Variants in CTNNA2 observed in about 807,000 individuals in gnomAD.
CTNNA2 encodes catenin alpha-2.
CTNNA2 carries 42 observed loss-of-function variants against 101.0 expected under a neutral mutation model. That is an observed-to-expected ratio of 0.42 (90% CI 0.32 to 0.54). The LOEUF is 0.54. CTNNA2 is among the 20% of genes least tolerant of loss of function. The pLI is 0.14. For synonymous variants in CTNNA2, 450 were observed against 456.4 expected, an observed-to-expected ratio of 0.99 and a Z score of 0.18; for missense variants, 871 against 1,223.1, an observed-to-expected ratio of 0.71 and a Z score of 4.29.
chr2:79,206,526 T>C (rs1400999915), intron 2 of CTNNA2, among the ~76,000 whole-genome samples: 1 of 152,178 alleles, frequency 6.6e-6, no homozygotes, highest in African/African-American at 2.4e-5. Flanking sequence ...TTCTAAACCT[T>C]CCTATTCTTC....
At position 79,298,158 on chromosome 2, in the gene CTNNA2, C is replaced by CTGTT. The variant is rs1251233880; in HGVS notation, c.-405-14549_-405-14546dup. Among the ~76,000 whole-genome samples, 5 of 152,268 alleles carry CTGTT rather than the reference C, an allele frequency of 3.3e-5. No homozygotes were observed. In the East Asian group the frequency reaches 7.7e-4, roughly 24 times the overall value. ...GGCTTCATAGGCATGGCATGGGCAT[C>CTGTT]TGTTTCTGGTAAGGATCTCAGGAAG... is the stretch of plus-strand genomic sequence containing the variant. On this transcript the variant is annotated intron_variant, in intron 2 of 21. Coordinates refer to the CTNNA2 transcript ENST00000466387.
chr2:79,277,091 CAA>C (rs910827830), intron 2 of CTNNA2, among the ~76,000 whole-genome samples: 3 of 152,020 alleles, frequency 2.0e-5, no homozygotes, highest in African/African-American at 4.8e-5. Context: ...GCTGTCTCAG[CAA>C]AAGATAAAGA....
At chr2:80,557,352 T>G (rs1693134215) in intron 12 of CTNNA2, among the ~76,000 whole-genome samples, 1 of 152,106 alleles carries the variant, frequency 6.6e-6, no homozygotes, top group South Asian at 2.1e-4. Flanking sequence ...AAAAAGGTAT[T>G]TTTTTCCCTA....
At chr2:80,431,553 A>AC (rs1681507316) in intron 9 of CTNNA2, among the ~76,000 whole-genome samples, 1 of 152,222 alleles carries the variant, frequency 6.6e-6, no homozygotes, top group South Asian at 2.1e-4. Context: ...GTTACAAGGA[A>AC]AACATGTCAT....
At chr2:80,554,410 ATG>A (rs1692845702) in intron 11 of CTNNA2, among the ~76,000 whole-genome samples, 1 of 152,192 alleles carries the variant, frequency 6.6e-6, no homozygotes, top group Non-Finnish European at 1.5e-5. Context: ...ACATATTTTT[ATG>A]TGTTCATGTC....
intron 1 of CTNNA2, among the ~76,000 whole-genome samples, chr2:79,540,676 A>T (rs867075471): frequency 9.9e-5 from 15 of 152,254 alleles, no homozygotes; most frequent in Admixed American, 4.6e-4. Flanking sequence ...ATTTATAATG[A>T]GCACATGAAA....
At chr2:79,572,941 G>T (rs953948598) in intron 1 of CTNNA2, among the ~76,000 whole-genome samples, 1 of 152,066 alleles carries the variant, frequency 6.6e-6, no homozygotes, top group African/African-American at 2.4e-5. Flanking sequence ...GTTTTTAGTT[G>T]CTGCCACGGC....
chr2:79,776,812 A>G (rs1296913427), intron 3 of CTNNA2, among the ~76,000 whole-genome samples: 1 of 152,168 alleles, frequency 6.6e-6, no homozygotes, highest in African/African-American at 2.4e-5. Flanking sequence ...TAACCCTTTT[A>G]GTTATTTGAG....
At chr2:80,383,533 C>T (rs1289822709) in intron 7 of CTNNA2, among the ~76,000 whole-genome samples, 3 of 152,168 alleles carry the variant, frequency 2.0e-5, no homozygotes, top group Non-Finnish European at 4.4e-5. Context: ...TGGTTTGGCA[C>T]ACTACCTACA....
chr2:79,426,195 G>C (rs528667750), intron 4 of CTNNA2, among the ~76,000 whole-genome samples: 1 of 152,110 alleles, frequency 6.6e-6, no homozygotes, highest in East Asian at 1.9e-4. Flanking sequence ...CAACTCTTTG[G>C]GTGTGTCACA....
At chr2:79,494,873 G>T (rs888452327) in intron 4 of CTNNA2, among the ~76,000 whole-genome samples, 6 of 152,084 alleles carry the variant, frequency 3.9e-5, no homozygotes, top group African/African-American at 1.4e-4. Flanking sequence ...CACTTTGGGA[G>T]GCCAAGGCGG....
At chr2:80,473,373 T>A (rs992596176) in intron 9 of CTNNA2, among the ~76,000 whole-genome samples, 12 of 152,182 alleles carry the variant, frequency 7.9e-5, no homozygotes, top group Admixed American at 4.6e-4. Context: ...AAAACAAAAC[T>A]ATCATGAAGG....
At chr2:80,045,815 AAAAT>A (rs1360816165) in intron 7 of CTNNA2, among the ~76,000 whole-genome samples, 6 of 152,220 alleles carry the variant, frequency 3.9e-5, no homozygotes, top group African/African-American at 1.4e-4. Flanking sequence ...CCATTGAAAA[AAAAT>A]GTGCATTGTC....
chr2:80,240,030 G>T (rs1479764403), intron 7 of CTNNA2, among the ~76,000 whole-genome samples: 1 of 152,204 alleles, frequency 6.6e-6, no homozygotes, highest in African/African-American at 2.4e-5. Context: ...AACCATGGTT[G>T]CCCACAGTTA....
chr2:80,120,936 G>C (rs1380974974), intron 7 of CTNNA2, among the ~76,000 whole-genome samples: 1 of 152,178 alleles, frequency 6.6e-6, no homozygotes, highest in African/African-American at 2.4e-5. Flanking sequence ...TAAGTGGAGT[G>C]TGTGGTGTAA....
rs70940064 is a variant in CTNNA2 at position 79,982,192 on chromosome 2, CTATATATATATA to C, written c.1056+72433_1056+72444del. Among the ~76,000 whole-genome samples the C allele has an allele frequency of 2.0e-3, 153 of 75,028 alleles. 2 individuals carry two copies. Among genetic ancestry groups the C allele is most frequent in the East Asian group, 5.4e-3 (10 of 1,854 alleles). 49.2% of individuals were successfully genotyped at this position (75,028 alleles called of 152,430 possible). A position where few individuals can be genotyped will look rare whatever the true frequency, so the allele number is the denominator to read the frequency against. On this transcript the variant is annotated intron_variant, in intron 7 of 18. Coordinates refer to ENST00000402739, the MANE Select transcript of CTNNA2 (RefSeq NM_001282597.3). Reference sequence around the variant, plus strand: ...TACCTGAGACCACAGGCATGTGCCACTATATATATATATATATATATATATATATATATATAT... The same window carrying C: ...TACCTGAGACCACAGGCATGTGCCACTATATATATATATATATATATATAT...
At chr2:80,364,576 T>C (rs925093104) in intron 7 of CTNNA2, among the ~76,000 whole-genome samples, 7 of 141,672 alleles carry the variant, frequency 4.9e-5, no homozygotes, top group African/African-American at 1.9e-4. Flanking sequence ...TTTTTTTTTT[T>C]CTGATGGTTC....
chr2:79,440,144 A>G (rs1264809010), intron 4 of CTNNA2, among the ~76,000 whole-genome samples: 1 of 152,192 alleles, frequency 6.6e-6, no homozygotes, highest in Non-Finnish European at 1.5e-5. Context: ...AAGAGTTAAA[A>G]TAACCTTACT....
intron 2 of CTNNA2, among the ~76,000 whole-genome samples, chr2:79,288,406 C>G (rs574997039): frequency 6.6e-6 from 1 of 152,340 alleles, no homozygotes; most frequent in East Asian, 1.9e-4. Context: ...TGTGGGTTCA[C>G]TGTGTGCTCA....
Sources: gnomAD v4.1 joint callset for allele counts (sites outside exome capture counted in the v4.1 genomes callset) on GRCh38, gnomAD v4.1.1 for gene constraint, MANE v1.5 for transcripts, NCBI Gene and HGNC (gene_info 2026-07-23, HGNC 2026-07-21) for gene names.